Variants in PRIM2 observed in about 807,000 individuals in gnomAD.
PRIM2 encodes the protein DNA primase subunit 2.
PRIM2 carries 39 observed loss-of-function variants against 67.3 expected under a neutral mutation model. The observed-to-expected ratio is 0.58, with a 90% CI of 0.45 to 0.76. PRIM2 has a LOEUF of 0.76. PRIM2 is among the 30% of genes least tolerant of loss of function. The pLI is 0.00. For missense variants in PRIM2, 398 were observed against 598.7 expected (o/e 0.66, Z 3.50); for synonymous variants, 143 against 198.7 (o/e 0.72, Z 2.36).
intron 8 of PRIM2, among the ~76,000 whole-genome samples, chr6:57,508,404 A>ACTATAGCATATTTATCTGTACTATATATT (rs1774294076): frequency 1.3e-5 from 2 of 152,102 alleles, no homozygotes; most frequent in Non-Finnish European, 1.5e-5. Flanking sequence ...ATTTTCTTGT[A>ACTATAGCATATTTATCTGTACTATATATT]TATCTGTACT....
intron 7 of PRIM2, among the ~76,000 whole-genome samples, chr6:57,393,488 C>A (rs1409306472): frequency 6.6e-6 from 1 of 152,074 alleles, no homozygotes; most frequent in Non-Finnish European, 1.5e-5. Flanking sequence ...CCTTAGCCCA[C>A]TTTTTGATGG....
chr6:57,307,813 A>G, the PRIM2 span, among the ~76,000 whole-genome samples: 2 of 151,972 alleles, frequency 1.3e-5, no homozygotes, highest in African/African-American at 4.8e-5. Flanking sequence ...TCTTCTTCCT[A>G]TTTCCTTTTG....
At chr6:57,630,803 G>A (rs1289951712) in intron 12 of PRIM2, among the ~76,000 whole-genome samples, 1 of 152,108 alleles carries the variant, frequency 6.6e-6, no homozygotes, top group Non-Finnish European at 1.5e-5. Context: ...TTGAAAATCT[G>A]TGTGAAGAGC....
At chr6:57,451,634 A>C (rs1039041422) in intron 7 of PRIM2, among the ~76,000 whole-genome samples, 2 of 152,162 alleles carry the variant, frequency 1.3e-5, no homozygotes, top group South Asian at 4.1e-4. Context: ...AGGTCCCGAA[A>C]GCTGTAGCAG....
the PRIM2 span, among the ~76,000 whole-genome samples, chr6:57,254,886 A>G: frequency 6.6e-6 from 1 of 152,216 alleles, no homozygotes; most frequent in Admixed American, 6.5e-5. Context: ...TTAATCACTT[A>G]TGTCTTCAGA....
chr6:57,507,883 A>G (rs1774282111), intron 8 of PRIM2, among the ~76,000 whole-genome samples: 2 of 152,202 alleles, frequency 1.3e-5, no homozygotes, highest in Non-Finnish European at 2.9e-5. Flanking sequence ...AGGAAAAGGA[A>G]AAACCTATCA....
intron 7 of PRIM2, among the ~76,000 whole-genome samples, chr6:57,498,365 A>T (rs1285499355): frequency 6.6e-6 from 1 of 152,164 alleles, no homozygotes; most frequent in African/African-American, 2.4e-5. Flanking sequence ...AGGAGAATGC[A>T]AAGACATTTT....
chr6:57,400,105 A>C (rs1328362132), intron 7 of PRIM2, among the ~76,000 whole-genome samples: 1 of 152,272 alleles, frequency 6.6e-6, no homozygotes, highest in Non-Finnish European at 1.5e-5. Context: ...ATTTACATTA[A>C]ATGTTTGTAT....
At chr6:57,405,887 C>T (rs1433205963) in intron 7 of PRIM2, among the ~76,000 whole-genome samples, 3 of 152,152 alleles carry the variant, frequency 2.0e-5, no homozygotes, top group Non-Finnish European at 1.5e-5. Flanking sequence ...AAATTAGAAA[C>T]CTGCCTTCAT....
At position 57,582,654 on chromosome 6, in the gene PRIM2, G is replaced by A. The variant is rs1405575299; in HGVS notation, c.1021-18439G>A. The stretch of plus-strand genomic sequence containing the variant: ...ACTTTGTTTAACCGTGGTTCAGTGC[G>A]ACTTTCAGATGGCCCTTGAAGCAAC... On this transcript the variant is annotated intron_variant, in intron 10 of 13. Transcript: ENST00000615550. Among the ~76,000 whole-genome samples, 66 of 152,158 alleles carry A rather than the reference G, an allele frequency of 4.3e-4. No homozygotes were observed. The East Asian group carries it at 6.9e-3, about 16-fold the overall frequency.
At chr6:57,298,034 C>A in the PRIM2 span, among the ~76,000 whole-genome samples, 5 of 152,106 alleles carry the variant, frequency 3.3e-5, no homozygotes, top group Admixed American at 6.6e-5. Flanking sequence ...TTTTTATACA[C>A]CTGAAATTAT....
At chr6:57,420,434 C>T (rs530798672) in intron 7 of PRIM2, among the ~76,000 whole-genome samples, 7 of 152,150 alleles carry the variant, frequency 4.6e-5, no homozygotes, top group South Asian at 2.1e-4. Context: ...ACCCAGAAGG[C>T]GGAGGTTGCG....
chr6:57,347,469 G>C (rs567987876), intron 5 of PRIM2, among the ~76,000 whole-genome samples: 1 of 152,142 alleles, frequency 6.6e-6, no homozygotes, highest in Non-Finnish European at 1.5e-5. Flanking sequence ...CTGTGGTAGA[G>C]ACAGTTTTGC....
At chr6:57,319,069 G>A (rs374969067) in intron 2 of PRIM2, among the ~76,000 whole-genome samples, 41 of 152,214 alleles carry the variant, frequency 2.7e-4, no homozygotes, top group African/African-American at 9.9e-4. Flanking sequence ...AAATTTTCCA[G>A]CAGAGAAGAA....
intron 7 of PRIM2, among the ~76,000 whole-genome samples, chr6:57,400,445 T>C (rs1770669621): frequency 6.6e-6 from 1 of 152,192 alleles, no homozygotes; most frequent in Non-Finnish European, 1.5e-5. Context: ...TTCTGGATTG[T>C]AAAGTTTCAG....
At chr6:57,251,228 T>A in the PRIM2 span, among the ~76,000 whole-genome samples, 28 of 152,316 alleles carry the variant, frequency 1.8e-4, no homozygotes, top group African/African-American at 2.6e-4. Flanking sequence ...ACAAGATTTT[T>A]AAAAAAATCA....
intron 5 of PRIM2, among the ~76,000 whole-genome samples, chr6:57,377,487 G>GT (rs11383953): frequency 0.037 from 5,210 of 139,228 alleles, 283 homozygotes; most frequent in African/African-American, 0.12. Context: ...GTTTTCATTT[G>GT]TTTTTTTTTT....
chr6:57,634,113 G>A (rs1160938140), intron 13 of PRIM2, among the ~76,000 whole-genome samples: 1 of 152,206 alleles, frequency 6.6e-6, no homozygotes, highest in Non-Finnish European at 1.5e-5. Flanking sequence ...AATTCAAGCT[G>A]TCTAACTCAT....
At chr6:57,459,427 C>T (rs1772922973) in intron 7 of PRIM2, among the ~76,000 whole-genome samples, 1 of 152,104 alleles carries the variant, frequency 6.6e-6, no homozygotes, top group Non-Finnish European at 1.5e-5. Flanking sequence ...CATTTTTAGC[C>T]CAAATTTAAG....
Sources: allele counts gnomAD v4.1 joint callset (sites outside exome capture counted in the v4.1 genomes callset), GRCh38; gene constraint gnomAD v4.1.1; transcripts MANE v1.5; gene names NCBI Gene and HGNC (gene_info 2026-07-23, HGNC 2026-07-21).